Variants in GPC6 observed in about 807,000 individuals in gnomAD.
The protein encoded by GPC6 is glypican-6.
In GPC6, 14 loss-of-function variants were observed where a neutral mutation model predicts 55.2. The ratio of observed to expected loss-of-function variants is 0.25; its 90% CI spans 0.17 to 0.40. The LOEUF (loss-of-function observed/expected upper bound fraction) is 0.40, where lower values mean the gene tolerates loss of function less well. Ranked by LOEUF, GPC6 falls within the 10% of genes least tolerant of loss-of-function variation. The probability of loss-of-function intolerance (pLI) is 1.00; values close to 1 mark genes in which losing one functional copy is unlikely to be tolerated. For missense variants in GPC6, 641 were observed against 708.5 expected, an observed-to-expected ratio of 0.90 and a Z score of 1.08; for synonymous variants, 278 against 259.6, an observed-to-expected ratio of 1.07 and a Z score of -0.68.
chr13:94,253,019 G>A (rs779608111), intron 4 of GPC6, among the ~76,000 whole-genome samples: 13 of 151,862 alleles, frequency 8.6e-5, no homozygotes, highest in Non-Finnish European at 1.5e-4. Context: ...ACTGGTGTCA[G>A]GAATGATAAG....
chr13:94,176,902 C>T (rs17175140), intron 4 of GPC6, among the ~76,000 whole-genome samples: 3 of 152,060 alleles, frequency 2.0e-5, no homozygotes, highest in African/African-American at 2.4e-5. Context: ...AGTAGAACAT[C>T]GAAAACTTCA....
intron 2 of GPC6, among the ~76,000 whole-genome samples, chr13:93,785,042 G>A (rs906828588): frequency 2.0e-5 from 3 of 152,130 alleles, no homozygotes; most frequent in African/African-American, 7.2e-5. Flanking sequence ...CATTCCCCAA[G>A]GAAAAGATTT....
At chr13:94,198,518 G>C (rs998389794) in intron 4 of GPC6, among the ~76,000 whole-genome samples, 1 of 152,206 alleles carries the variant, frequency 6.6e-6, no homozygotes, top group African/African-American at 2.4e-5. Context: ...TCTTCGGATT[G>C]TAAGATTATG....
At chr13:93,308,329 C>A (rs1878948426) in intron 1 of GPC6, among the ~76,000 whole-genome samples, 1 of 152,162 alleles carries the variant, frequency 6.6e-6, no homozygotes, top group Admixed American at 6.5e-5. Context: ...TGCCTGAGGG[C>A]ATAACTTATA....
chr13:93,254,261 T>C (rs1298725265), intron 1 of GPC6, among the ~76,000 whole-genome samples: 1 of 152,158 alleles, frequency 6.6e-6, no homozygotes, highest in Non-Finnish European at 1.5e-5. Context: ...GAGTTTGAAG[T>C]TACTGTGATC....
intron 3 of GPC6, among the ~76,000 whole-genome samples, chr13:93,951,471 T>G (rs1363151183): frequency 6.6e-6 from 1 of 152,178 alleles, no homozygotes; most frequent in Admixed American, 6.5e-5. Flanking sequence ...AAATGATGAA[T>G]GAATGAATGA....
intron 6 of GPC6, among the ~76,000 whole-genome samples, chr13:94,373,475 T>C (rs1398002287): frequency 6.6e-6 from 1 of 151,958 alleles, no homozygotes; most frequent in East Asian, 1.9e-4. Context: ...CAATGGAAGA[T>C]GAAATGAATT....
intron 3 of GPC6, among the ~76,000 whole-genome samples, chr13:93,867,341 T>C (rs1412572353): frequency 6.6e-6 from 1 of 151,734 alleles, no homozygotes; most frequent in Non-Finnish European, 1.5e-5. Context: ...AGCCTGTGTG[T>C]GAACTGAGAA....
At chr13:94,240,409 C>T (rs1308149790) in intron 4 of GPC6, among the ~76,000 whole-genome samples, 1 of 152,068 alleles carries the variant, frequency 6.6e-6, no homozygotes, top group Admixed American at 6.6e-5. Context: ...CCGAGAGGGC[C>T]TCCTTGTCTC....
intron 4 of GPC6, among the ~76,000 whole-genome samples, chr13:94,139,974 A>G (rs779601231): frequency 6.6e-6 from 1 of 152,104 alleles, no homozygotes; most frequent in South Asian, 2.1e-4. Context: ...AACCCTCAGG[A>G]GAATGTAAAA....
chr13:93,710,411 A>G (rs190275889), intron 2 of GPC6, among the ~76,000 whole-genome samples: 95 of 151,868 alleles, frequency 6.3e-4, no homozygotes, highest in African/African-American at 2.2e-3. Flanking sequence ...TTGCATGTTC[A>G]TCCTGCCAAA....
intron 1 of GPC6, among the ~76,000 whole-genome samples, chr13:93,316,604 G>A (rs143640714): frequency 2.6e-5 from 4 of 152,028 alleles, no homozygotes; most frequent in African/African-American, 7.2e-5. Context: ...CTTTTAAACC[G>A]AATAATTTCT....
At chr13:93,395,263 G>C (rs1250565927) in intron 1 of GPC6, 2 of 473,828 alleles carry the variant, frequency 4.2e-6, no homozygotes, top group African/African-American at 4.0e-5. Flanking sequence ...CACCACTAAA[G>C]TTTCCAGAAC....
intron 1 of GPC6, among the ~76,000 whole-genome samples, chr13:93,287,874 TG>T (rs1878188605): frequency 6.6e-6 from 1 of 152,214 alleles, no homozygotes; most frequent in African/African-American, 2.4e-5. Context: ...AGGTTTTTTT[TG>T]TTGTAATTTG....
intron 2 of GPC6, among the ~76,000 whole-genome samples, chr13:93,739,379 T>A (rs545067529): frequency 3.9e-5 from 6 of 152,146 alleles, no homozygotes; most frequent in African/African-American, 1.4e-4. Context: ...CTTTTAATTA[T>A]ACATAATAAA....
At chr13:93,650,029 A>T (rs1240833027) in intron 2 of GPC6, among the ~76,000 whole-genome samples, 1 of 152,202 alleles carries the variant, frequency 6.6e-6, no homozygotes, top group Non-Finnish European at 1.5e-5. Context: ...TAGAAAGAAA[A>T]TGGAAATGAA....
At chr13:94,181,170 G>A (rs907330488) in intron 4 of GPC6, among the ~76,000 whole-genome samples, 14 of 152,292 alleles carry the variant, frequency 9.2e-5, no homozygotes, top group African/African-American at 2.6e-4. Context: ...CTAGCATGCA[G>A]GGGTGGAGAC....
rs542513317 is a variant in GPC6, at chr13:93,596,786, GTACA to G, written c.319+51372_319+51375del. Among the ~76,000 whole-genome samples, 282 of 147,726 alleles carry G rather than the reference GTACA, an allele frequency of 1.9e-3. 1 individual carries two copies. The highest frequency in any genetic ancestry group is 6.4e-3 in the African/African-American group (260 of 40,620). The stretch of plus-strand genomic sequence containing the variant: ...TGTGTATATATACACACATACACAG[GTACA>G]TACATATAGATGTGTGTATAAATAT... On this transcript the variant is annotated intron_variant, in intron 2 of 8. Transcript: ENST00000377047.
chr13:94,269,372 C>T (rs777149781), intron 4 of GPC6, among the ~76,000 whole-genome samples: 5 of 152,128 alleles, frequency 3.3e-5, no homozygotes, highest in African/African-American at 7.2e-5. Context: ...GACTGTGACC[C>T]GTTTTCCTGT....
Sources: allele counts gnomAD v4.1 joint callset (sites outside exome capture counted in the v4.1 genomes callset), GRCh38; gene constraint gnomAD v4.1.1; transcripts MANE v1.5; gene names NCBI Gene and HGNC (gene_info 2026-07-23, HGNC 2026-07-21).